The following RNF228 variants were observed in gnomAD, a reference collection of about 807,000 sequenced individuals.
The protein encoded by RNF228 is ring finger protein 228.
chr2:222,319,452 G>A, the RNF228 span: 2 of 180,418 alleles, frequency 1.1e-5, no homozygotes, highest in Non-Finnish European at 2.3e-5. The surrounding 1 kb of genome is among the most constrained non-coding windows in gnomAD (Gnocchi z 7.6). Flanking sequence ...AGGCCCGGGG[G>A]CCGCGTCCTC....
chr2:222,315,078 A>ATTT, the RNF228 span, among the ~76,000 whole-genome samples: 1,591 of 148,514 alleles, frequency 0.011, 26 homozygotes, highest in African/African-American at 0.037. Flanking sequence ...TGCCATAAGT[A>ATTT]TTTTTTTTTT....
chr2:222,318,790 A>T, the RNF228 span: 1 of 128,302 alleles, frequency 7.8e-6, no homozygotes, highest in Non-Finnish European at 1.7e-5. Flanking sequence ...CCCCACCAAC[A>T]TCCCTTCCTG....
At chr2:222,315,571 A>G in the RNF228 span, among the ~76,000 whole-genome samples, 1 of 152,148 alleles carries the variant, frequency 6.6e-6, no homozygotes, top group Non-Finnish European at 1.5e-5. Context: ...TTACCCTCTT[A>G]TGTGTACAAA....
the RNF228 span, chr2:222,317,306 T>C: frequency 3.3e-5 from 5 of 152,240 alleles, no homozygotes; most frequent in Non-Finnish European, 7.3e-5. Flanking sequence ...CTTCATACTG[T>C]AGTTTCTACA....
At chr2:222,315,041 C>T in the RNF228 span, among the ~76,000 whole-genome samples, 2 of 151,538 alleles carry the variant, frequency 1.3e-5, no homozygotes, top group African/African-American at 2.4e-5. Context: ...TGTTATAGTG[C>T]TAATTTTTCT....
the RNF228 span, among the ~76,000 whole-genome samples, chr2:222,319,558 G>A: frequency 5.5e-5 from 8 of 146,024 alleles, no homozygotes; most frequent in South Asian, 2.1e-4. The surrounding 1 kb of genome is among the most constrained non-coding windows in gnomAD (Gnocchi z 7.6). Context: ...GCGGGCAGGC[G>A]CGCGGGCAGC....
chr2:222,318,782 C>CT, the RNF228 span: 2 of 151,018 alleles, frequency 1.3e-5, no homozygotes, highest in East Asian at 2.0e-4. Flanking sequence ...CCCCCCCCCC[C>CT]CACCAACATC....
the RNF228 span, among the ~76,000 whole-genome samples, chr2:222,316,691 A>G: frequency 2.0e-5 from 3 of 152,242 alleles, no homozygotes; most frequent in Non-Finnish European, 4.4e-5. Flanking sequence ...ACCAGTATGC[A>G]TATATTTTAT....
At chr2:222,317,079 T>C in the RNF228 span, among the ~76,000 whole-genome samples, 1 of 152,180 alleles carries the variant, frequency 6.6e-6, no homozygotes, top group Non-Finnish European at 1.5e-5. Context: ...TCCCACTAAA[T>C]GCCCATCTTA....
At chr2:222,314,367 A>T in the RNF228 span, among the ~76,000 whole-genome samples, 1 of 152,256 alleles carries the variant, frequency 6.6e-6, no homozygotes. Flanking sequence ...AATTTCTTAC[A>T]CTTTCTTCAT....
At chr2:222,319,211 C>A in the RNF228 span, 38 of 321,622 alleles carry the variant, frequency 1.2e-4, no homozygotes, top group East Asian at 1.7e-3. The surrounding 1 kb of genome is among the most constrained non-coding windows in gnomAD (Gnocchi z 7.6). Flanking sequence ...AGATGGGCCC[C>A]ACGGGCGAGG....
chr2:222,318,066 G>A, the RNF228 span: 1 of 152,190 alleles, frequency 6.6e-6, no homozygotes, highest in Non-Finnish European at 1.5e-5. Flanking sequence ...CGAGGGGAAG[G>A]AGAAAATCTA....
At chr2:222,317,135 T>A in the RNF228 span, 3 of 152,160 alleles carry the variant, frequency 2.0e-5, no homozygotes, top group African/African-American at 7.2e-5. Context: ...TCAGCCCCAT[T>A]TAAAAATGTG....
At chr2:222,319,131 T>A in the RNF228 span, 3 of 246,198 alleles carry the variant, frequency 1.2e-5, no homozygotes, top group East Asian at 2.0e-4. The surrounding 1 kb of genome is among the most constrained non-coding windows in gnomAD (Gnocchi z 7.6). Context: ...CTCGGGCCGA[T>A]ACTTGAGCCA....
the RNF228 span, chr2:222,318,238 G>GA: frequency 6.6e-6 from 1 of 152,278 alleles, no homozygotes; most frequent in African/African-American, 2.4e-5. Context: ...GCTTCCAGGA[G>GA]ATGAGACTTC....
the RNF228 span, among the ~76,000 whole-genome samples, chr2:222,320,031 T>G: frequency 6.6e-6 from 1 of 152,156 alleles, no homozygotes; most frequent in Non-Finnish European, 1.5e-5. Flanking sequence ...TGGGCTCTGC[T>G]GGCTGCCGCC....
the RNF228 span, among the ~76,000 whole-genome samples, chr2:222,316,634 G>A: frequency 4.9e-4 from 74 of 152,312 alleles, 1 homozygote; most frequent in Middle Eastern, 0.01. Flanking sequence ...AAAAACTCAT[G>A]TGTGTGTACA....
the RNF228 span, chr2:222,317,760 T>C: frequency 6.6e-6 from 1 of 152,228 alleles, no homozygotes; most frequent in Non-Finnish European, 1.5e-5. Context: ...ATACGATATA[T>C]ATCTTTTGTA....
chr2:222,319,641 GTGT>G, the RNF228 span, among the ~76,000 whole-genome samples: 1 of 146,520 alleles, frequency 6.8e-6, no homozygotes, highest in African/African-American at 2.4e-5. This position sits in a 1 kb window ranked among gnomAD's most constrained non-coding sequence, Gnocchi z 7.6. Context: ...GGCTAGCTTG[GTGT>G]TGTTGGGCAG....
Sources: allele counts gnomAD v4.1 joint callset (sites outside exome capture counted in the v4.1 genomes callset), GRCh38; gene constraint gnomAD v4.1.1; non-coding constraint Gnocchi (gnomAD v3.1); transcripts MANE v1.5; gene names NCBI Gene and HGNC (gene_info 2026-07-23, HGNC 2026-07-21).